The following UHRF2 variants were observed in gnomAD, a reference collection of about 807,000 sequenced individuals.
The protein encoded by UHRF2 is ubiquitin like with PHD and ring finger domains 2, also known as E3 ubiquitin-protein ligase UHRF2.
Under a neutral mutation model 96.8 loss-of-function variants are expected in UHRF2, and 23 were observed. That is an observed-to-expected ratio of 0.24 (90% CI 0.17 to 0.34). The LOEUF (loss-of-function observed/expected upper bound fraction) is 0.34. Among genes scored for constraint, UHRF2 ranks in the 10% least tolerant of loss-of-function variants. The pLI is 1.00. For synonymous variants in UHRF2, 385 were observed against 332.6 expected, an observed-to-expected ratio of 1.16 and a Z score of -1.72; for missense variants, 685 against 981.5, an observed-to-expected ratio of 0.70 and a Z score of 4.04.
At chr9:6,427,648 G>A (rs1820333032) in intron 2 of UHRF2, among the ~76,000 whole-genome samples, 1 of 152,114 alleles carries the variant, frequency 6.6e-6, no homozygotes, top group Non-Finnish European at 1.5e-5. Context: ...CCGCGCCACT[G>A]CACTCCTGCC....
At chr9:6,458,512 T>G (rs2130840216) in intron 3 of UHRF2, among the ~76,000 whole-genome samples, 1 of 152,138 alleles carries the variant, frequency 6.6e-6, no homozygotes, top group South Asian at 2.1e-4. Flanking sequence ...TGCTCTCATC[T>G]TAGTTATTTC....
chr9:6,434,268 G>T, intron 3 of UHRF2, 95 bp downstream of exon 3: 1 of 1,417,806 alleles, frequency 7.1e-7, no homozygotes. Flanking sequence ...TCTTTCTGAA[G>T]AAATCCTTTA....
chr9:6,484,647 A>G (rs1168819681), intron 8 of UHRF2: 1 of 149,534 alleles, frequency 6.7e-6, no homozygotes, highest in Non-Finnish European at 1.5e-5. Flanking sequence ...CCTGGGGTCA[A>G]TTTCTCCTGC....
At chr9:6,486,621 G>C (rs1824305330) in intron 8 of UHRF2, among the ~76,000 whole-genome samples, 200 bp from the exon 9 acceptor site, 1 of 152,122 alleles carries the variant, frequency 6.6e-6, no homozygotes, top group South Asian at 2.1e-4. Context: ...TTTAAAATGA[G>C]AGAGCAAAAG....
intron 12 of UHRF2, chr9:6,498,710 A>G (rs570623645): frequency 1.3e-5 from 2 of 152,770 alleles, no homozygotes; most frequent in South Asian, 2.1e-4. Flanking sequence ...TTTTGTGTGC[A>G]TAGTGGATGG....
chr9:6,493,274 G>C (rs1824775247), intron 9 of UHRF2, among the ~76,000 whole-genome samples: 2 of 152,038 alleles, frequency 1.3e-5, no homozygotes, highest in Non-Finnish European at 1.5e-5. Flanking sequence ...CTCCAGCCTG[G>C]GTGACAGAGC....
At chr9:6,481,898 TAA>T in intron 7 of UHRF2, 92 bp from the exon 8 acceptor site, 1 of 1,541,450 alleles carries the variant, frequency 6.5e-7, no homozygotes, top group South Asian at 1.2e-5. Flanking sequence ...TTAAATTACA[TAA>T]ACAGTTGGGT....
intron 3 of UHRF2, chr9:6,449,706 C>A (rs1821736437): frequency 6.6e-6 from 1 of 152,252 alleles, no homozygotes; most frequent in Admixed American, 6.5e-5. Flanking sequence ...TGTGCCTAAA[C>A]TGTTTTTGCA....
intron 4 of UHRF2, chr9:6,468,742 A>G (rs1047977865): frequency 2.2e-6 from 1 of 453,448 alleles, no homozygotes; most frequent in Non-Finnish European, 4.4e-6. Flanking sequence ...TAGAAGGCAT[A>G]CACTGGATTT....
rs548517936 is a variant in UHRF2, at chr9:6,423,867, C to G, written c.384+2725C>G. ...GGCTGAGGCAGGAGAATTGCTTGAA[C>G]TTGGAGGGCAGAGGTTGCAGTGAGC... On this transcript the variant is annotated intron_variant, in intron 2 of 15. Coordinates refer to ENST00000276893, the MANE Select transcript of UHRF2 (RefSeq NM_152896.3). Among the ~76,000 whole-genome samples the G allele has an allele frequency of 8.5e-5, 13 of 152,078 alleles. No individual in the cohort carries two copies. In the East Asian group the frequency reaches 2.3e-3, roughly 27 times the overall value.
At chr9:6,486,962 C>G (rs779505660) in intron 9 of UHRF2, 37 bp downstream of exon 9, 7 of 1,589,256 alleles carry the variant, frequency 4.4e-6, no homozygotes, top group Non-Finnish European at 5.2e-6. Context: ...TAGTACCTGC[C>G]TTGACCATTT....
intron 14 of UHRF2, among the ~76,000 whole-genome samples, 172 bp downstream of exon 14, chr9:6,500,881 C>G (rs982916031): frequency 1.3e-5 from 2 of 152,184 alleles, no homozygotes; most frequent in Non-Finnish European, 2.9e-5. Flanking sequence ...ATACATGCGC[C>G]TAAATTTACT....
chr9:6,449,817 A>C (rs536471206), intron 3 of UHRF2, among the ~76,000 whole-genome samples: 1 of 152,286 alleles, frequency 6.6e-6, no homozygotes, highest in South Asian at 2.1e-4. Flanking sequence ...TGAATGCTCT[A>C]ATCTGCCCTA....
intron 9 of UHRF2, among the ~76,000 whole-genome samples, chr9:6,488,318 G>A (rs892860953): frequency 1.6e-5 from 2 of 125,208 alleles, no homozygotes; most frequent in African/African-American, 2.9e-5. Flanking sequence ...TGCGGGAAGG[G>A]GATCCTGTGC....
chr9:6,464,404 T>A (rs1380126469), intron 4 of UHRF2, among the ~76,000 whole-genome samples: 7 of 152,198 alleles, frequency 4.6e-5, no homozygotes, highest in African/African-American at 1.4e-4. Context: ...CTTACGATGT[T>A]TGAATAGTAG....
At chr9:6,416,535 CTTTTTTTT>C (rs60522189) in intron 1 of UHRF2, among the ~76,000 whole-genome samples, 2 of 64,932 alleles carry the variant, frequency 3.1e-5, no homozygotes, top group Admixed American at 4.6e-4. Flanking sequence ...ATCTCTAAAT[CTTTTTTTT>C]TTTTTTTTTT....
intron 14 of UHRF2, among the ~76,000 whole-genome samples, chr9:6,501,250 A>G (rs1365113370): frequency 6.6e-6 from 1 of 152,222 alleles, no homozygotes; most frequent in Non-Finnish European, 1.5e-5. Context: ...GTGTTTTGCA[A>G]ACAAGCCCTT....
At chr9:6,502,161 A>T (rs1816324737) in intron 14 of UHRF2, among the ~76,000 whole-genome samples, 1 of 152,230 alleles carries the variant, frequency 6.6e-6, no homozygotes, top group African/African-American at 2.4e-5. Context: ...ATGTGTATAT[A>T]TATTTATGTC....
intron 9 of UHRF2, chr9:6,492,262 AT>A: frequency 1.0e-6 from 1 of 983,606 alleles, no homozygotes; most frequent in Non-Finnish European, 1.4e-6. Flanking sequence ...CTTACTTTCC[AT>A]TACTTTTTCT....
Sources: allele counts gnomAD v4.1 joint callset (sites outside exome capture counted in the v4.1 genomes callset), GRCh38; gene constraint gnomAD v4.1.1; transcripts MANE v1.5; gene names NCBI Gene and HGNC (gene_info 2026-07-23, HGNC 2026-07-21).